The following SLC44A5 variants were observed in gnomAD, a reference collection of about 807,000 sequenced individuals.
The protein encoded by SLC44A5 is choline transporter-like protein 5.
In SLC44A5, 57 loss-of-function variants were observed where a neutral mutation model predicts 101.8. The observed-to-expected ratio is 0.56, with a 90% CI of 0.45 to 0.70. SLC44A5 has a LOEUF of 0.70. Ranked by LOEUF, SLC44A5 falls within the 30% of genes least tolerant of loss-of-function variation. The pLI is 0.00. For synonymous variants in SLC44A5, 281 were observed against 290.9 expected (o/e 0.97, Z 0.35); for missense variants, 737 against 853.1 (o/e 0.86, Z 1.70).
intron 3 of SLC44A5, among the ~76,000 whole-genome samples, chr1:75,359,800 G>T (rs1247896697): frequency 6.6e-6 from 1 of 151,922 alleles, no homozygotes; most frequent in Non-Finnish European, 1.5e-5. Flanking sequence ...CGGTGCACAG[G>T]GTTTGCTTTT....
At chr1:75,415,884 G>T (rs923000295) in intron 2 of SLC44A5, among the ~76,000 whole-genome samples, 3 of 152,178 alleles carry the variant, frequency 2.0e-5, no homozygotes, top group Admixed American at 6.5e-5. Context: ...CCTGGTGGAA[G>T]AAATTTATAA....
chr1:75,209,173 G>A (rs1405312), intron 23 of SLC44A5, among the ~76,000 whole-genome samples: 19,262 of 152,110 alleles, frequency 0.13, 1,385 homozygotes, highest in Middle Eastern at 0.22. Context: ...CAAGGAGTTG[G>A]CAATTAATAA....
chr1:75,532,803 G>A (rs551877318), intron 2 of SLC44A5, among the ~76,000 whole-genome samples: 3 of 152,266 alleles, frequency 2.0e-5, no homozygotes, highest in African/African-American at 7.2e-5. Flanking sequence ...ACTTTGGGAG[G>A]CCAAGGTGGG....
In SLC44A5 at chr1:75,519,740, A is replaced by G. The variant is rs191394250; in HGVS notation, c.13+21695T>C. Among the ~76,000 whole-genome samples, 562 of 152,348 alleles carry G rather than the reference A, an allele frequency of 3.7e-3. 3 individuals carry two copies. Among genetic ancestry groups the G allele is most frequent in the Non-Finnish European group, 4.1e-3 (278 of 68,028 alleles). On this transcript the variant is annotated intron_variant, in intron 2 of 23. Transcript: ENST00000370859. ...ACATCTCTATCATCTCCTAAAGAAT[A>G]TATCTTATCATTTAACAACAACTCT...
intron 2 of SLC44A5, among the ~76,000 whole-genome samples, chr1:75,427,528 C>T (rs182737305): frequency 7.2e-5 from 11 of 152,280 alleles, no homozygotes; most frequent in African/African-American, 2.6e-4. Context: ...TCAGAATTTT[C>T]CTAGAAAATG....
intron 3 of SLC44A5, among the ~76,000 whole-genome samples, chr1:75,388,202 A>G (rs1357181224): frequency 1.4e-5 from 2 of 138,648 alleles, no homozygotes; most frequent in Admixed American, 7.1e-5. Flanking sequence ...CCTAAAACTT[A>G]AAGTGTAATA....
At chr1:75,351,552 T>C (rs1242567410) in intron 3 of SLC44A5, among the ~76,000 whole-genome samples, 1 of 152,004 alleles carries the variant, frequency 6.6e-6, no homozygotes, top group Non-Finnish European at 1.5e-5. Flanking sequence ...AGATATAAGG[T>C]ATTTTTACGT....
chr1:75,716,657 T>C, the SLC44A5 span, among the ~76,000 whole-genome samples: 1 of 152,144 alleles, frequency 6.6e-6, no homozygotes, highest in African/African-American at 2.4e-5. Context: ...GACACACGCA[T>C]ATGTATGTTT....
At chr1:75,475,657 C>A (rs1458170226) in intron 2 of SLC44A5, among the ~76,000 whole-genome samples, 1 of 152,186 alleles carries the variant, frequency 6.6e-6, no homozygotes, top group African/African-American at 2.4e-5. Flanking sequence ...CATCTCCAAA[C>A]CTTTCAGAGA....
At chr1:75,585,186 G>T (rs540625015) in intron 1 of SLC44A5, among the ~76,000 whole-genome samples, 2 of 152,116 alleles carry the variant, frequency 1.3e-5, no homozygotes, top group South Asian at 4.1e-4. Context: ...GTTATGTTTT[G>T]TAAAGGGACT....
intron 1 of SLC44A5, among the ~76,000 whole-genome samples, chr1:75,599,334 T>C (rs1674834936): frequency 6.6e-6 from 1 of 152,176 alleles, no homozygotes; most frequent in African/African-American, 2.4e-5. Flanking sequence ...ATGTACAGGC[T>C]GGCTGGCCTA....
intron 2 of SLC44A5, among the ~76,000 whole-genome samples, chr1:75,428,000 A>G (rs1664408161): frequency 6.6e-6 from 1 of 152,212 alleles, no homozygotes; most frequent in Non-Finnish European, 1.5e-5. Context: ...TGTATTTAAC[A>G]GGCAGTGTGA....
At chr1:75,451,308 A>T (rs1665894895) in intron 2 of SLC44A5, among the ~76,000 whole-genome samples, 1 of 152,154 alleles carries the variant, frequency 6.6e-6, no homozygotes. Context: ...AAGTACCCAG[A>T]CATGTTAGCC....
At chr1:75,374,691 C>G (rs1392272767) in intron 3 of SLC44A5, among the ~76,000 whole-genome samples, 1 of 152,122 alleles carries the variant, frequency 6.6e-6, no homozygotes, top group Non-Finnish European at 1.5e-5. Flanking sequence ...CACCGGGAAG[C>G]AAAAATACAT....
chr1:75,280,958 C>A (rs973821042), intron 5 of SLC44A5, among the ~76,000 whole-genome samples: 1 of 151,958 alleles, frequency 6.6e-6, no homozygotes, highest in Admixed American at 6.6e-5. Context: ...TAAATTGGTA[C>A]AGGAATGGGG....
chr1:75,290,007 C>T, intron 5 of SLC44A5, among the ~76,000 whole-genome samples: 1 of 152,114 alleles, frequency 6.6e-6, no homozygotes, highest in East Asian at 1.9e-4. Context: ...AGGTAGTTTT[C>T]AATAATCAAG....
At chr1:75,288,274 C>T (rs982683165) in intron 5 of SLC44A5, among the ~76,000 whole-genome samples, 3 of 152,162 alleles carry the variant, frequency 2.0e-5, no homozygotes, top group Non-Finnish European at 4.4e-5. Context: ...TATGATTTAA[C>T]ACATGGAATC....
In SLC44A5 at chr1:75,234,068, C is replaced by A; in HGVS notation, c.771G>T (p.Trp257Cys). The A allele has an allele frequency of 1.2e-6, 2 of 1,613,264 alleles. No homozygotes were observed. Among genetic ancestry groups the A allele is most frequent in the East Asian group, 4.5e-5 (2 of 44,806 alleles). ...IGLTIAMVLSWIFLILLRFIA... is the reference protein window; with the variant it reads ...IGLTIAMVLSCIFLILLRFIA... ...TGAACCTCAGAAGTATCAAAAATAT[C>A]CAACTAAGGACCATGGCAATCGTCA... Residue 257 changes from tryptophan to cysteine, a missense_variant, in exon 12 of 24, where the codon TGG becomes TGT. Physicochemically the swap from Trp to Cys is radical, Grantham distance 215. This residue lies in a region of SLC44A5 where 665 missense variants were observed against 764.4 expected (regional missense o/e 0.87). Transcript: ENST00000370859.
At chr1:75,711,851 A>G in the SLC44A5 span, among the ~76,000 whole-genome samples, 2 of 152,352 alleles carry the variant, frequency 1.3e-5, no homozygotes, top group East Asian at 3.9e-4. Context: ...TCTCTCAGGC[A>G]TCTCCTTATA....
Sources: gnomAD v4.1 joint callset for allele counts (sites outside exome capture counted in the v4.1 genomes callset) on GRCh38, gnomAD v4.1.1 for gene constraint, gnomAD v4.1.1 regional missense constraint, MANE v1.5 for transcripts, NCBI Gene and HGNC (gene_info 2026-07-23, HGNC 2026-07-21) for gene names.